Variants in CCDC102B observed in about 807,000 individuals in gnomAD.
The protein encoded by CCDC102B is coiled-coil domain containing 102B, also known as coiled-coil domain-containing protein 102B.
A neutral mutation model predicts 57.4 loss-of-function variants in CCDC102B; 75 were observed. That is an observed-to-expected ratio of 1.31 (90% CI 1.08 to 1.58). The LOEUF is 1.58. CCDC102B is among the 40% of genes most tolerant of loss of function. The pLI is 0.00. For missense variants in CCDC102B, 636 were observed against 582.6 expected (o/e 1.09, Z -0.94); for synonymous variants, 206 against 201.9 (o/e 1.02, Z -0.17).
At chr18:68,874,922 C>T in intron 5 of CCDC102B, 137 bp downstream of exon 5, 1 of 553,504 alleles carries the variant, frequency 1.8e-6, no homozygotes, top group Non-Finnish European at 3.3e-6. Context: ...ATGTAATCAG[C>T]TTATATGTGA....
At position 68,738,338 on chromosome 18, in the gene CCDC102B, C is replaced by T. The variant is rs142994323; in HGVS notation, c.-67+21744C>T. Among the ~76,000 whole-genome samples, 134 of 152,260 alleles carry T rather than the reference C, an allele frequency of 8.8e-4. No individual in the cohort carries two copies. In the Middle Eastern group the frequency reaches 0.017, roughly 19 times the overall value. On this transcript the variant is annotated intron_variant, in intron 2 of 3. Coordinates refer to the CCDC102B transcript ENST00000578970. ...TAAGATGTCTTATCTAAAGATGTCT[C>T]TTTGGATAAGAGTGCTTGCTGAGAT...
intron 6 of CCDC102B, among the ~76,000 whole-genome samples, chr18:68,952,937 G>C (rs4569384): frequency 0.99 from 150,618 of 152,212 alleles, 74,554 homozygotes; most frequent in East Asian, 1. Context: ...ATGGGGGGTA[G>C]TGTACTGTGT....
intron 6 of CCDC102B, among the ~76,000 whole-genome samples, chr18:69,000,292 GTTA>G (rs1343083012): frequency 6.6e-6 from 1 of 152,062 alleles, no homozygotes; most frequent in African/African-American, 2.4e-5. Context: ...TGAGATGGGT[GTTA>G]TTATTTTCTA....
intron 2 of CCDC102B, among the ~76,000 whole-genome samples, chr18:68,731,809 C>G (rs1263088752): frequency 6.7e-6 from 1 of 148,986 alleles, no homozygotes; most frequent in Admixed American, 6.8e-5. Context: ...AGACAATAGT[C>G]TTGAGATTTT....
intron 7 of CCDC102B, among the ~76,000 whole-genome samples, chr18:69,044,132 A>C (rs1023453850): frequency 6.6e-6 from 1 of 152,146 alleles, no homozygotes; most frequent in Non-Finnish European, 1.5e-5. Flanking sequence ...GTAAAAATCT[A>C]TCTCTATAAT....
At chr18:68,896,561 T>C (rs1256799026) in intron 5 of CCDC102B, among the ~76,000 whole-genome samples, 2 of 152,032 alleles carry the variant, frequency 1.3e-5, no homozygotes, top group African/African-American at 4.8e-5. Context: ...AAGGCAGTTA[T>C]AGGCAAAGTG....
intron 1 of CCDC102B, among the ~76,000 whole-genome samples, chr18:68,815,050 G>C (rs1203651792): frequency 6.6e-6 from 1 of 152,056 alleles, no homozygotes; most frequent in Non-Finnish European, 1.5e-5. Context: ...ACTATTATTT[G>C]TTAAAGCAGG....
At chr18:69,044,825 G>A (rs1394718543) in intron 7 of CCDC102B, among the ~76,000 whole-genome samples, 2 of 152,096 alleles carry the variant, frequency 1.3e-5, no homozygotes, top group Non-Finnish European at 2.9e-5. Flanking sequence ...TATTGTATGA[G>A]GCAGCATGGG....
intron 2 of CCDC102B, among the ~76,000 whole-genome samples, chr18:68,778,076 A>G (rs2034883636): frequency 6.6e-6 from 1 of 152,148 alleles, no homozygotes; most frequent in Non-Finnish European, 1.5e-5. Flanking sequence ...ACCCAAGACC[A>G]GCACCTACAA....
chr18:69,049,662 A>G (rs1735195577), intron 7 of CCDC102B, among the ~76,000 whole-genome samples: 1 of 152,192 alleles, frequency 6.6e-6, no homozygotes, highest in Non-Finnish European at 1.5e-5. Context: ...AACACTTCTT[A>G]AAATATTTTA....
At position 68,897,433 on chromosome 18, in the gene CCDC102B, G is replaced by T; in HGVS notation, c.1263+5G>T. The T allele has an allele frequency of 1.2e-6, 2 of 1,610,118 alleles. No homozygotes were observed. Among genetic ancestry groups the T allele is most frequent in the South Asian group, 2.2e-5 (2 of 90,724 alleles). On this transcript the variant is annotated splice_donor_5th_base_variant and intron_variant, in intron 6 of 7. Coordinates refer to ENST00000360242, the MANE Select transcript of CCDC102B (RefSeq NM_024781.3). ...GATCTGCAAGAAAAAAACCAGGTAT[G>T]GGTGCTCCTTGGAGCAAATTCTCAC... is the stretch of plus-strand genomic sequence containing the variant.
intron 4 of CCDC102B, among the ~76,000 whole-genome samples, chr18:68,870,797 G>A (rs77249871): frequency 0.095 from 14,464 of 152,166 alleles, 816 homozygotes; most frequent in South Asian, 0.22. Flanking sequence ...ACAAAGAGTA[G>A]AACTTTGGAG....
At chr18:69,042,998 G>A (rs966925152) in intron 7 of CCDC102B, among the ~76,000 whole-genome samples, 3 of 152,014 alleles carry the variant, frequency 2.0e-5, no homozygotes, top group African/African-American at 4.8e-5. Context: ...GGAGGATCCC[G>A]CCAGCCTCTG....
intron 4 of CCDC102B, among the ~76,000 whole-genome samples, chr18:68,870,976 C>T (rs575360673): frequency 6.6e-5 from 10 of 151,982 alleles, no homozygotes; most frequent in African/African-American, 2.2e-4. Flanking sequence ...TCTTAGACAT[C>T]GTCTTCAGTT....
At chr18:68,808,714 T>G (rs62100039) in intron 1 of CCDC102B, among the ~76,000 whole-genome samples, 36,893 of 151,874 alleles carry the variant, frequency 0.24, 4,873 homozygotes, top group East Asian at 0.51. Context: ...TCCTGACCTC[T>G]TGATCCGCCC....
intron 1 of CCDC102B, among the ~76,000 whole-genome samples, chr18:68,836,362 G>A (rs1361088032): frequency 6.6e-6 from 1 of 152,174 alleles, no homozygotes; most frequent in Non-Finnish European, 1.5e-5. Context: ...AGGCATGGTG[G>A]CTCACGCCTG....
intron 2 of CCDC102B, among the ~76,000 whole-genome samples, chr18:68,737,909 A>G (rs2033217318): frequency 6.6e-6 from 1 of 152,152 alleles, no homozygotes; most frequent in Non-Finnish European, 1.5e-5. Context: ...CACAGAGACT[A>G]TATTTGTGCA....
chr18:69,016,462 T>C (rs572472780), intron 7 of CCDC102B, among the ~76,000 whole-genome samples: 2 of 152,232 alleles, frequency 1.3e-5, no homozygotes, highest in South Asian at 4.1e-4. Flanking sequence ...TTCCTAAGAA[T>C]TTTATACATT....
intron 6 of CCDC102B, among the ~76,000 whole-genome samples, chr18:68,994,402 T>C (rs1599813273): frequency 6.6e-6 from 1 of 151,896 alleles, no homozygotes; most frequent in Non-Finnish European, 1.5e-5. Context: ...GGGCTGGGGG[T>C]ACAGGGACAC....
Sources: gnomAD v4.1 joint callset for allele counts (sites outside exome capture counted in the v4.1 genomes callset) on GRCh38, gnomAD v4.1.1 for gene constraint, MANE v1.5 for transcripts, NCBI Gene and HGNC (gene_info 2026-07-23, HGNC 2026-07-21) for gene names.